The following ADAMTS6 variants were observed in gnomAD, a reference collection of about 807,000 sequenced individuals.
ADAMTS6 encodes the protein A disintegrin and metalloproteinase with thrombospondin motifs 6.
Under a neutral mutation model 144.3 loss-of-function variants are expected in ADAMTS6, and 23 were observed. The observed-to-expected ratio is 0.16, with a 90% CI of 0.11 to 0.23. The LOEUF (loss-of-function observed/expected upper bound fraction) is 0.23. Among genes scored for constraint, ADAMTS6 ranks in the 10% least tolerant of loss-of-function variants. ADAMTS6 has a pLI of 1.00. For missense variants in ADAMTS6, 999 were observed against 1,379.6 expected (o/e 0.72, Z 4.37); for synonymous variants, 444 against 457.5 (o/e 0.97, Z 0.38).
intron 11 of ADAMTS6, among the ~76,000 whole-genome samples, chr5:65,281,459 T>TGA (rs1762983000): frequency 6.6e-6 from 1 of 152,140 alleles, no homozygotes; most frequent in African/African-American, 2.4e-5. Context: ...AATATATGAG[T>TGA]TTAGGAATCA....
intron 22 of ADAMTS6, among the ~76,000 whole-genome samples, chr5:65,177,156 C>A (rs544186367): frequency 7.9e-5 from 12 of 152,244 alleles, no homozygotes; most frequent in South Asian, 6.2e-4. Context: ...GACTGCCGTT[C>A]GTAGAGCGGA....
At chr5:65,252,252 T>C (rs1760232612) in intron 14 of ADAMTS6, among the ~76,000 whole-genome samples, 1 of 152,168 alleles carries the variant, frequency 6.6e-6, no homozygotes. Context: ...TTAGAACTGA[T>C]AACATTTGTC....
intron 11 of ADAMTS6, among the ~76,000 whole-genome samples, chr5:65,283,015 T>A (rs1763106019): frequency 6.6e-6 from 1 of 152,122 alleles, no homozygotes; most frequent in South Asian, 2.1e-4. Context: ...ATTCTAGGCA[T>A]GTTGGGTCCT....
chr5:65,238,514 C>T (rs992930687), intron 15 of ADAMTS6, among the ~76,000 whole-genome samples: 1 of 150,072 alleles, frequency 6.7e-6, no homozygotes, highest in African/African-American at 2.5e-5. Flanking sequence ...GTGGAAGGAT[C>T]GCTTGAGCCC....
intron 9 of ADAMTS6, among the ~76,000 whole-genome samples, chr5:65,326,875 C>T (rs990406943): frequency 2.6e-5 from 4 of 152,136 alleles, no homozygotes; most frequent in Non-Finnish European, 5.9e-5. Context: ...AAGGGATCTT[C>T]ACATATGAAA....
chr5:65,285,138 T>G (rs760886057), intron 11 of ADAMTS6, among the ~76,000 whole-genome samples: 1 of 152,214 alleles, frequency 6.6e-6, no homozygotes, highest in Non-Finnish European at 1.5e-5. Context: ...GAATTACATT[T>G]GTTTCCTAAG....
At chr5:65,208,880 G>A (rs933152970) in intron 20 of ADAMTS6, among the ~76,000 whole-genome samples, 2 of 152,120 alleles carry the variant, frequency 1.3e-5, no homozygotes, top group Non-Finnish European at 2.9e-5. Flanking sequence ...CCAGAGCCCC[G>A]AAGTACAGTT....
chr5:65,411,550 C>A (rs1417691707), intron 7 of ADAMTS6, among the ~76,000 whole-genome samples: 1 of 152,142 alleles, frequency 6.6e-6, no homozygotes, highest in Non-Finnish European at 1.5e-5. Flanking sequence ...TTGTGTCAAT[C>A]CTTCCCCATA....
chr5:65,337,404 C>T (rs1231709299), intron 7 of ADAMTS6, among the ~76,000 whole-genome samples: 2 of 151,886 alleles, frequency 1.3e-5, no homozygotes, highest in Non-Finnish European at 2.9e-5. Flanking sequence ...ATATTTCTTA[C>T]TCTATTCATT....
chr5:65,262,361 T>A (rs1420209127), intron 13 of ADAMTS6, among the ~76,000 whole-genome samples: 1 of 152,228 alleles, frequency 6.6e-6, no homozygotes. Flanking sequence ...TTGTGATTTG[T>A]GATGCGAATC....
intron 7 of ADAMTS6, among the ~76,000 whole-genome samples, chr5:65,369,458 CTA>C (rs1180801686): frequency 1.3e-5 from 2 of 151,766 alleles, no homozygotes; most frequent in Non-Finnish European, 2.9e-5. Flanking sequence ...GAAAGAAAAA[CTA>C]TCTTTTTTTT....
At chr5:65,155,527 T>C (rs988275649) in intron 24 of ADAMTS6, among the ~76,000 whole-genome samples, 42 of 152,148 alleles carry the variant, frequency 2.8e-4, no homozygotes, top group African/African-American at 9.9e-4. Flanking sequence ...CCAGTAAAAA[T>C]ATAGTATTAT....
intron 7 of ADAMTS6, among the ~76,000 whole-genome samples, chr5:65,413,384 C>G (rs1755230712): frequency 6.6e-6 from 1 of 152,134 alleles, no homozygotes; most frequent in South Asian, 2.1e-4. Context: ...GTGTAATACT[C>G]AGATTTTCCA....
At chr5:65,423,494 T>C (rs558405340) in intron 7 of ADAMTS6, among the ~76,000 whole-genome samples, 9 of 152,314 alleles carry the variant, frequency 5.9e-5, no homozygotes, top group African/African-American at 1.9e-4. Context: ...ACTTACTTAA[T>C]ATTAAAAACA....
At chr5:65,418,002 T>G (rs1327424167) in intron 7 of ADAMTS6, among the ~76,000 whole-genome samples, 1 of 152,006 alleles carries the variant, frequency 6.6e-6, no homozygotes, top group African/African-American at 2.4e-5. Context: ...AACCAAACAG[T>G]ATGGTACTGG....
At position 65,293,098 on chromosome 5, in the gene ADAMTS6, G is replaced by T. The variant is rs192397284; in HGVS notation, c.1371-1628C>A. ...AGTAAATCTTAAATTATATATTAAG[G>T]TTAATGACAAAGAGGTCATATTTGA... On this transcript the variant is annotated intron_variant, in intron 10 of 24. Transcript: ENST00000381055. Among the ~76,000 whole-genome samples the T allele has an allele frequency of 1.4e-3, 214 of 152,034 alleles. 1 individual carries two copies. The highest frequency in any genetic ancestry group is 4.3e-3 in the African/African-American group (177 of 41,482).
At chr5:65,247,979 C>T (rs984785940) in intron 14 of ADAMTS6, among the ~76,000 whole-genome samples, 4 of 152,136 alleles carry the variant, frequency 2.6e-5, no homozygotes, top group Middle Eastern at 3.2e-3. Context: ...CCAACCCCTG[C>T]CATGCTTAGC....
intron 10 of ADAMTS6, among the ~76,000 whole-genome samples, chr5:65,295,754 AT>A (rs760378764): frequency 1.6e-4 from 25 of 152,110 alleles, no homozygotes; most frequent in Admixed American, 3.3e-4. Context: ...AAGCAAAAAA[AT>A]ACATTAGTTT....
intron 20 of ADAMTS6, among the ~76,000 whole-genome samples, chr5:65,197,765 G>A (rs1282556017): frequency 6.6e-6 from 1 of 152,106 alleles, no homozygotes; most frequent in East Asian, 1.9e-4. Flanking sequence ...GAACAGAGTT[G>A]ACCCCTGTTG....
Sources: allele counts gnomAD v4.1 joint callset (sites outside exome capture counted in the v4.1 genomes callset), GRCh38; gene constraint gnomAD v4.1.1; transcripts MANE v1.5; gene names NCBI Gene and HGNC (gene_info 2026-07-23, HGNC 2026-07-21).